Variants in IMMP2L observed in about 807,000 individuals in gnomAD.
IMMP2L encodes mitochondrial inner membrane protease subunit 2.
In IMMP2L, 18 loss-of-function variants were observed where a neutral mutation model predicts 19.3. The observed-to-expected ratio is 0.93, with a 90% confidence interval of 0.64 to 1.38. The LOEUF (loss-of-function observed/expected upper bound fraction) is 1.38, where lower values mean the gene tolerates loss of function less well. IMMP2L is among the 40% of genes most tolerant of loss of function. The probability of loss-of-function intolerance (pLI) is 0.00; values close to 1 mark genes in which losing one functional copy is unlikely to be tolerated. For synonymous variants in IMMP2L, 76 were observed against 73.0 expected (o/e 1.04, Z -0.21); for missense variants, 233 against 218.2 (o/e 1.07, Z -0.43).
intron 4 of IMMP2L, among the ~76,000 whole-genome samples, chr7:110,894,374 G>A (rs114790437): frequency 0.015 from 2,268 of 152,184 alleles, 49 homozygotes; most frequent in African/African-American, 0.052. Flanking sequence ...AAGAGTTTCT[G>A]TTGTTCCACA....
intron 5 of IMMP2L, among the ~76,000 whole-genome samples, chr7:110,872,529 G>A (rs1257461194): frequency 6.6e-6 from 1 of 152,166 alleles, no homozygotes; most frequent in Non-Finnish European, 1.5e-5. Flanking sequence ...GCATCAACAA[G>A]ATAAGGTTTC....
chr7:110,694,348 G>T (rs1254013739), intron 5 of IMMP2L, among the ~76,000 whole-genome samples: 1 of 152,110 alleles, frequency 6.6e-6, no homozygotes, highest in Non-Finnish European at 1.5e-5. Context: ...TTTGGCATCT[G>T]TGCCCACCAG....
intron 3 of IMMP2L, among the ~76,000 whole-genome samples, chr7:111,196,166 A>G (rs1229893769): frequency 2.0e-5 from 3 of 152,082 alleles, no homozygotes; most frequent in Non-Finnish European, 2.9e-5. Context: ...AAGGGGCCAC[A>G]CCCATAAATT....
chr7:110,825,899 C>T (rs1276802847), intron 5 of IMMP2L, among the ~76,000 whole-genome samples: 3 of 152,118 alleles, frequency 2.0e-5, no homozygotes, highest in African/African-American at 7.2e-5. Flanking sequence ...AGTGAACAGG[C>T]AACCTACAGA....
rs186068239 is a variant in IMMP2L, at chr7:110,824,021, C to T, written c.408+62572G>A. ...CACTAACACATGAAGTGGTCATTCA[C>T]TTGGACAACCAACAGTGTCACTGCA... is the stretch of plus-strand genomic sequence containing the variant. On this transcript the variant is annotated intron_variant, in intron 5 of 5. Transcript: ENST00000405709. 1.8e-3 allele frequency among the ~76,000 whole-genome samples: 278 copies of T among 152,172 alleles called. 3 individuals are homozygous for T. Among genetic ancestry groups the T allele is most frequent in the Non-Finnish European group, 3.3e-3 (221 of 67,998 alleles).
At chr7:110,914,282 T>C (rs1386139790) in intron 4 of IMMP2L, among the ~76,000 whole-genome samples, 1 of 152,184 alleles carries the variant, frequency 6.6e-6, no homozygotes, top group African/African-American at 2.4e-5. Context: ...CTGCAGTTGA[T>C]CTGGGAGCAA....
At chr7:111,199,489 T>C (rs1335032745) in intron 3 of IMMP2L, among the ~76,000 whole-genome samples, 3 of 152,106 alleles carry the variant, frequency 2.0e-5, no homozygotes, top group Non-Finnish European at 4.4e-5. Flanking sequence ...CCTTAACACA[T>C]TAAAAACAGT....
chr7:110,834,485 G>A (rs1411958882), intron 5 of IMMP2L, among the ~76,000 whole-genome samples: 1 of 152,068 alleles, frequency 6.6e-6, no homozygotes, highest in East Asian at 1.9e-4. Context: ...TCATCAAGGA[G>A]ACTGGTACCA....
At chr7:111,199,262 G>A (rs1413758506) in intron 3 of IMMP2L, among the ~76,000 whole-genome samples, 1 of 152,036 alleles carries the variant, frequency 6.6e-6, no homozygotes, top group East Asian at 1.9e-4. Context: ...TCTCATTTAA[G>A]TATGCGAGTA....
intron 3 of IMMP2L, among the ~76,000 whole-genome samples, chr7:111,427,665 G>C (rs1278068665): frequency 6.6e-6 from 1 of 151,666 alleles, no homozygotes; most frequent in African/African-American, 2.4e-5. Context: ...GTGAATCTGG[G>C]AACAACCTTG....
chr7:111,307,610 TTATA>T (rs1046663243), intron 3 of IMMP2L, among the ~76,000 whole-genome samples: 1 of 151,530 alleles, frequency 6.6e-6, no homozygotes, highest in Non-Finnish European at 1.5e-5. Context: ...TACATACATT[TTATA>T]TATATAGTAT....
At chr7:111,461,129 C>T (rs1222991940) in intron 3 of IMMP2L, among the ~76,000 whole-genome samples, 1 of 151,918 alleles carries the variant, frequency 6.6e-6, no homozygotes, top group Non-Finnish European at 1.5e-5. Flanking sequence ...ATTTTTGTAC[C>T]ATTACAAATA....
chr7:111,529,347 G>A (rs752171897), intron 1 of IMMP2L, among the ~76,000 whole-genome samples: 3 of 152,132 alleles, frequency 2.0e-5, no homozygotes, highest in Non-Finnish European at 4.4e-5. Flanking sequence ...AACAATTTTG[G>A]TTCCACTGGA....
At chr7:111,405,884 GT>G (rs1833864567) in intron 3 of IMMP2L, among the ~76,000 whole-genome samples, 1 of 152,088 alleles carries the variant, frequency 6.6e-6, no homozygotes, top group Middle Eastern at 3.4e-3. Flanking sequence ...CTTAATTATT[GT>G]CTACAGCTCC....
At chr7:111,025,421 C>T (rs1050070131) in intron 3 of IMMP2L, among the ~76,000 whole-genome samples, 7 of 152,044 alleles carry the variant, frequency 4.6e-5, no homozygotes, top group African/African-American at 1.7e-4. Context: ...ATTGTAATAT[C>T]CAAAACTATG....
chr7:111,523,329 G>A (rs941145332), intron 1 of IMMP2L, among the ~76,000 whole-genome samples: 1 of 151,896 alleles, frequency 6.6e-6, no homozygotes, highest in Non-Finnish European at 1.5e-5. Context: ...TTATTAATTA[G>A]CTAGATTTAA....
intron 3 of IMMP2L, among the ~76,000 whole-genome samples, chr7:110,977,558 A>G (rs1186568136): frequency 6.6e-6 from 1 of 152,008 alleles, no homozygotes; most frequent in Non-Finnish European, 1.5e-5. Flanking sequence ...AGATGACTAC[A>G]TAACATTTCT....
intron 4 of IMMP2L, among the ~76,000 whole-genome samples, chr7:110,941,854 T>G: frequency 6.6e-6 from 1 of 150,948 alleles, no homozygotes; most frequent in African/African-American, 2.4e-5. Flanking sequence ...TAACAAATTC[T>G]AATTCATTGG....
intron 5 of IMMP2L, among the ~76,000 whole-genome samples, chr7:110,739,694 T>C (rs1426995700): frequency 6.6e-6 from 1 of 152,068 alleles, no homozygotes; most frequent in African/African-American, 2.4e-5. Context: ...ACTTAAACTA[T>C]TCCCTACGAA....
Sources: allele counts gnomAD v4.1 joint callset (sites outside exome capture counted in the v4.1 genomes callset), GRCh38; gene constraint gnomAD v4.1.1; transcripts MANE v1.5; gene names NCBI Gene and HGNC (gene_info 2026-07-23, HGNC 2026-07-21).